TOX2: variants seen among roughly 807,000 people sequenced by gnomAD.
TOX2 encodes TOX high mobility group box family member 2.
TOX2 carries 15 observed loss-of-function variants against 47.4 expected under a neutral mutation model. The ratio of observed to expected loss-of-function variants is 0.32; its 90% CI spans 0.21 to 0.49. The LOEUF (loss-of-function observed/expected upper bound fraction) is 0.49. Ranked by LOEUF, TOX2 falls within the 20% of genes least tolerant of loss-of-function variation. The pLI is 0.99. For synonymous variants in TOX2, 290 were observed against 296.6 expected, an observed-to-expected ratio of 0.98 and a Z score of 0.23; for missense variants, 622 against 673.1, an observed-to-expected ratio of 0.92 and a Z score of 0.84.
intron 6 of TOX2, 43 bp from the exon 7 acceptor site, chr20:44,065,669 T>C (rs1600806311): frequency 1.3e-6 from 2 of 1,539,906 alleles, no homozygotes; most frequent in Non-Finnish European, 1.8e-6. Context: ...TTCTGGCTCA[T>C]CCCTCTTCTG....
intron 3 of TOX2, among the ~76,000 whole-genome samples, chr20:44,014,457 G>A (rs953386638): frequency 6.6e-6 from 1 of 152,082 alleles, no homozygotes. Flanking sequence ...GACATTTTGG[G>A]TTTTCTCTGT....
At chr20:43,971,471 C>T (rs1368493667) in intron 1 of TOX2, among the ~76,000 whole-genome samples, 4 of 152,156 alleles carry the variant, frequency 2.6e-5, no homozygotes, top group East Asian at 3.9e-4. Context: ...TGAGTGAAGG[C>T]GGCTGGGTAA....
At chr20:44,024,462 C>A (rs1194994098) in intron 3 of TOX2, among the ~76,000 whole-genome samples, 1 of 151,766 alleles carries the variant, frequency 6.6e-6, no homozygotes, top group African/African-American at 2.4e-5. Flanking sequence ...ATTTTGAATT[C>A]TTTAGTTCAT....
intron 2 of TOX2, among the ~76,000 whole-genome samples, chr20:43,973,971 A>G (rs538803828): frequency 6.6e-6 from 1 of 152,330 alleles, no homozygotes; most frequent in Non-Finnish European, 1.5e-5. Flanking sequence ...CTCGAACCCC[A>G]GCCTGGCCCT....
intron 2 of TOX2, among the ~76,000 whole-genome samples, chr20:43,993,381 G>T (rs2070406124): frequency 6.6e-6 from 1 of 152,206 alleles, no homozygotes; most frequent in East Asian, 1.9e-4. Flanking sequence ...TAGGATGGTT[G>T]CTCTGCAGAT....
At chr20:44,058,766 C>G (rs1475244295) in intron 5 of TOX2, among the ~76,000 whole-genome samples, 1 of 152,176 alleles carries the variant, frequency 6.6e-6, no homozygotes, top group African/African-American at 2.4e-5. Flanking sequence ...CCCGGTAGCT[C>G]CGCTGGGTGG....
In TOX2 at chr20:44,068,874, C is replaced by T. The variant is rs2071885312; in HGVS notation, c.*188C>T. ...AGACTCTGCAGAGGCAGCCCACTGC[C>T]CACCACCAGCCCAAAGAACCTGCAG... On this transcript the variant is annotated 3_prime_UTR_variant, in exon 9 of 9. Transcript: ENST00000341197. The T allele has an allele frequency of 2.5e-6, 2 of 793,158 alleles. No homozygotes were observed. The highest frequency in any genetic ancestry group is 1.5e-5 in the South Asian group (1 of 68,352). 49.1% of individuals were successfully genotyped at this position (793,158 alleles called of 1,614,324 possible).
chr20:43,919,103 C>T (rs2069087036), intron 1 of TOX2, among the ~76,000 whole-genome samples: 1 of 152,194 alleles, frequency 6.6e-6, no homozygotes, highest in African/African-American at 2.4e-5. Flanking sequence ...TGCTTCACAG[C>T]CAGCAAACTT....
In TOX2 at chr20:44,066,106, A is replaced by G; in HGVS notation, c.1355A>G (p.Gln452Arg). The G allele has an allele frequency of 1.3e-6, 2 of 1,541,516 alleles. No individual in the cohort carries two copies. Among genetic ancestry groups the G allele is most frequent in the Non-Finnish European group, 1.7e-6 (2 of 1,145,210 alleles). The change falls in exon 7 of 9, where the codon CAG (glutamine) becomes CGG (arginine). Residue 452 changes from glutamine (Q) to arginine (R), a missense_variant and splice_region_variant. This residue lies in a region of TOX2 where 294 missense variants were observed against 300.0 expected (regional missense o/e 0.98). Transcript: ENST00000341197. ...LAMSPSPPGP[Q>R]DFPHISEFPS... ...ATGAGCCCCTCACCTCCAGGGCCAC[A>G]GGTAAGCAGGGAAGAGCAGAACAGC...
At chr20:43,947,509 C>T (rs2069493868) in intron 1 of TOX2, among the ~76,000 whole-genome samples, 1 of 152,154 alleles carries the variant, frequency 6.6e-6, no homozygotes, top group Admixed American at 6.5e-5. Flanking sequence ...TGTGCATCTG[C>T]GTGTGTGATC....
chr20:44,044,401 T>C (rs888011051), intron 3 of TOX2, among the ~76,000 whole-genome samples: 6 of 146,398 alleles, frequency 4.1e-5, no homozygotes, highest in African/African-American at 1.3e-4. Context: ...GTTGTGCACA[T>C]GTACCCTAGA....
rs189600959 is a variant in TOX2 at position 43,952,585 on chromosome 20, C to A, written c.100-20782C>A. Among the ~76,000 whole-genome samples, 574 of 152,240 alleles carry A rather than the reference C, an allele frequency of 3.8e-3. 27 individuals are homozygous for A. The highest frequency in any genetic ancestry group is 0.035 in the Admixed American group (531 of 15,300). On this transcript the variant is annotated intron_variant, in intron 1 of 8. Transcript: ENST00000341197. ...CAAGTTTGCTTTTTTATACTTCTAC[C>A]CAGAGGAGACCCACGTTGTTTCTGC...
chr20:43,916,234 C>T lies in TOX2; in HGVS notation c.99+1244C>T. ...GTGAGTGCGCGTCCAGTGGCTGGAT[C>T]GGCGCCCCCCAGGGTCTCTCCCCAA... On this transcript the variant is annotated intron_variant, in intron 1 of 8. Coordinates refer to ENST00000341197, the MANE Select transcript of TOX2 (RefSeq NM_001098797.2). The surrounding 1 kb of genome is among the most constrained non-coding windows in gnomAD (Gnocchi z 5.0). 3 of 985,396 alleles carry T rather than the reference C, an allele frequency of 3.0e-6. No homozygotes were observed. Among genetic ancestry groups the T allele is most frequent in the Non-Finnish European group, 3.6e-6 (3 of 829,874 alleles). The allele number at this position is 985,396 out of a possible 1,614,324, so 61.0% of individuals were successfully genotyped here.
At chr20:43,954,789 G>A (rs151326919) in intron 1 of TOX2, among the ~76,000 whole-genome samples, 4 of 152,206 alleles carry the variant, frequency 2.6e-5, no homozygotes, top group African/African-American at 7.2e-5. Flanking sequence ...GAGGATCCAC[G>A]AGGGTGTGGG....
intron 5 of TOX2, among the ~76,000 whole-genome samples, chr20:44,056,193 G>A (rs1048851789): frequency 2.0e-5 from 3 of 152,306 alleles, no homozygotes; most frequent in East Asian, 1.9e-4. Flanking sequence ...CATTACTTCT[G>A]CAGCACCCCT....
chr20:44,012,555 G>A (rs1213754579), intron 3 of TOX2, among the ~76,000 whole-genome samples: 4 of 152,184 alleles, frequency 2.6e-5, no homozygotes, highest in African/African-American at 7.2e-5. Context: ...GTGCAGGAGA[G>A]GTATGCAGTG....
rs117553535 is a variant in TOX2, at chr20:44,034,386, C to T, written c.412-16920C>T. 6.5e-3 allele frequency among the ~76,000 whole-genome samples: 993 copies of T among 152,328 alleles called. 9 individuals are homozygous for T. The highest frequency in any genetic ancestry group is 9.7e-3 in the Admixed American group (149 of 15,312). On this transcript the variant is annotated intron_variant, in intron 3 of 8. Transcript: ENST00000341197. Reference sequence around the variant, plus strand: ...TTTCTGCCTCCCCCACCAGAATGTGCACTCCTGCGATGGGGTGTTTCTGGC... The same window carrying T: ...TTTCTGCCTCCCCCACCAGAATGTGTACTCCTGCGATGGGGTGTTTCTGGC...
intron 1 of TOX2, among the ~76,000 whole-genome samples, chr20:43,931,569 A>G (rs895970415): frequency 1.3e-5 from 2 of 152,166 alleles, no homozygotes; most frequent in African/African-American, 4.8e-5. Flanking sequence ...TGGGCTGCCC[A>G]ATGTCCATAG....
chr20:44,059,305 C>T (rs1445221161), intron 5 of TOX2, among the ~76,000 whole-genome samples: 2 of 152,122 alleles, frequency 1.3e-5, no homozygotes. Flanking sequence ...TTCAAATTAA[C>T]CCAATTCAAC....
Sources: allele counts gnomAD v4.1 joint callset (sites outside exome capture counted in the v4.1 genomes callset), GRCh38; gene constraint gnomAD v4.1.1; regional missense constraint gnomAD v4.1.1; non-coding constraint Gnocchi (gnomAD v3.1); transcripts MANE v1.5; gene names NCBI Gene and HGNC (gene_info 2026-07-23, HGNC 2026-07-21).